The following GLIS3 variants were observed in gnomAD, a reference collection of about 807,000 sequenced individuals.
GLIS3 encodes GLIS family zinc finger 3.
Under a neutral mutation model 78.6 loss-of-function variants are expected in GLIS3, and 53 were observed. That is an observed-to-expected ratio of 0.67 (90% CI 0.54 to 0.85). The LOEUF is 0.85. GLIS3 is among the 40% of genes least tolerant of loss of function. GLIS3 has a pLI of 0.00. For synonymous variants in GLIS3, 684 were observed against 509.9 expected (o/e 1.34, Z -4.60); for missense variants, 1,703 against 1,231.1 (o/e 1.38, Z -5.74).
chr9:4,484,803 T>C, the GLIS3 span, among the ~76,000 whole-genome samples: 3 of 152,082 alleles, frequency 2.0e-5, no homozygotes, highest in Non-Finnish European at 1.5e-5. Context: ...CCCTTCCTCA[T>C]TGGAGGTCAG....
chr9:4,007,501 T>C (rs1821647364), intron 4 of GLIS3, among the ~76,000 whole-genome samples: 1 of 152,054 alleles, frequency 6.6e-6, no homozygotes, highest in East Asian at 1.9e-4. Flanking sequence ...TTTGCTAAAA[T>C]GTCAGCTAAA....
At chr9:3,929,148 CTT>C (rs1323939636) in intron 6 of GLIS3, among the ~76,000 whole-genome samples, 4 of 152,136 alleles carry the variant, frequency 2.6e-5, no homozygotes, top group Admixed American at 2.0e-4. Context: ...CAGTTGGTGA[CTT>C]GAGTATTTCG....
chr9:4,089,008 C>T (rs1829273424), intron 4 of GLIS3, among the ~76,000 whole-genome samples: 2 of 152,224 alleles, frequency 1.3e-5, no homozygotes, highest in South Asian at 4.1e-4. Context: ...TATCCATGAG[C>T]TGTGTTAAAA....
intron 2 of GLIS3, among the ~76,000 whole-genome samples, chr9:4,246,497 T>TA (rs1823815785): frequency 6.6e-6 from 1 of 152,200 alleles, no homozygotes; most frequent in Non-Finnish European, 1.5e-5. Context: ...GCATTTTCCC[T>TA]AAGTGACATC....
At chr9:4,441,065 G>A in the GLIS3 span, among the ~76,000 whole-genome samples, 3 of 151,490 alleles carry the variant, frequency 2.0e-5, no homozygotes, top group South Asian at 6.3e-4. Flanking sequence ...CAGTCTTTAG[G>A]GTTTTCTGTA....
chr9:4,354,321 T>G, the GLIS3 span, among the ~76,000 whole-genome samples: 1 of 152,332 alleles, frequency 6.6e-6, no homozygotes, highest in East Asian at 1.9e-4. Flanking sequence ...GTTCGCACTC[T>G]TGAAACAGGA....
At chr9:4,372,787 T>G in the GLIS3 span, among the ~76,000 whole-genome samples, 18 of 152,190 alleles carry the variant, frequency 1.2e-4, no homozygotes, top group Non-Finnish European at 1.8e-4. Flanking sequence ...CATCTAACTT[T>G]TGAAGGAATC....
At chr9:4,404,235 G>C in the GLIS3 span, among the ~76,000 whole-genome samples, 80 of 152,254 alleles carry the variant, frequency 5.3e-4, no homozygotes, top group African/African-American at 1.8e-3. Flanking sequence ...AATATTATTA[G>C]AGCTAAAGAG....
At chr9:4,023,954 AG>A (rs768620278) in intron 4 of GLIS3, among the ~76,000 whole-genome samples, 1 of 152,172 alleles carries the variant, frequency 6.6e-6, no homozygotes, top group African/African-American at 2.4e-5. Flanking sequence ...TTGTCAAACA[AG>A]GGTGGTGAAT....
chr9:4,157,580 A>G (rs368618756), intron 2 of GLIS3, among the ~76,000 whole-genome samples: 4 of 152,228 alleles, frequency 2.6e-5, no homozygotes, highest in East Asian at 3.8e-4. Flanking sequence ...ATGTGGAAAT[A>G]ATATGTTATT....
At chr9:4,249,574 T>C (rs542987893) in intron 2 of GLIS3, among the ~76,000 whole-genome samples, 21 of 152,288 alleles carry the variant, frequency 1.4e-4, no homozygotes, top group African/African-American at 3.9e-4. Flanking sequence ...ACAGAGACAA[T>C]TGGACTTCCT....
chr9:4,409,453 AC>A, the GLIS3 span, among the ~76,000 whole-genome samples: 1 of 152,194 alleles, frequency 6.6e-6, no homozygotes, highest in Non-Finnish European at 1.5e-5. Context: ...TCCAAACATC[AC>A]CTTACTAGTA....
intron 1 of GLIS3, among the ~76,000 whole-genome samples, chr9:4,288,167 G>A (rs1278699424): frequency 1.3e-5 from 2 of 152,150 alleles, no homozygotes; most frequent in African/African-American, 2.4e-5. Context: ...CAGCCAGTCT[G>A]TAAATCCATT....
chr9:4,034,268 A>C (rs1165526480), intron 4 of GLIS3, among the ~76,000 whole-genome samples: 1 of 152,174 alleles, frequency 6.6e-6, no homozygotes, highest in Admixed American at 6.5e-5. Flanking sequence ...AATTCTATCA[A>C]GGCATAATAC....
At chr9:4,398,601 A>C in the GLIS3 span, among the ~76,000 whole-genome samples, 1,933 of 152,070 alleles carry the variant, frequency 0.013, 66 homozygotes, top group African/African-American at 0.044. Flanking sequence ...CCTTTAGCTA[A>C]AAGTGGCTCC....
At chr9:4,009,388 T>C (rs1821816503) in intron 4 of GLIS3, among the ~76,000 whole-genome samples, 1 of 152,074 alleles carries the variant, frequency 6.6e-6, no homozygotes, top group Non-Finnish European at 1.5e-5. Flanking sequence ...AGGACACGTG[T>C]AACAGGCGCC....
intron 8 of GLIS3, among the ~76,000 whole-genome samples, chr9:3,856,453 A>C (rs1204699138): frequency 2.0e-5 from 3 of 152,232 alleles, no homozygotes; most frequent in African/African-American, 7.2e-5. Context: ...CAAGATTTCT[A>C]AGCTGCATTT....
At chr9:4,052,990 C>G (rs988806497) in intron 4 of GLIS3, among the ~76,000 whole-genome samples, 51 of 152,062 alleles carry the variant, frequency 3.4e-4, no homozygotes, top group African/African-American at 1.2e-3. Flanking sequence ...CTGTGTTGCC[C>G]AGCCTGGAGT....
chr9:3,859,703 G>C (rs988284770), intron 8 of GLIS3, among the ~76,000 whole-genome samples: 1 of 152,126 alleles, frequency 6.6e-6, no homozygotes, highest in African/African-American at 2.4e-5. Flanking sequence ...ATCTGCAGTT[G>C]ACACTTCAGA....
Sources: allele counts gnomAD v4.1 joint callset (sites outside exome capture counted in the v4.1 genomes callset), GRCh38; gene constraint gnomAD v4.1.1; transcripts MANE v1.5; gene names NCBI Gene and HGNC (gene_info 2026-07-23, HGNC 2026-07-21).